PIK3R3: variants seen among roughly 807,000 people sequenced by gnomAD.
The protein encoded by PIK3R3 is phosphoinositide-3-kinase regulatory subunit 3.
In PIK3R3, 64 loss-of-function variants were observed where a neutral mutation model predicts 62.9. The ratio of observed to expected loss-of-function variants is 1.02; its 90% CI spans 0.83 to 1.25. The LOEUF (loss-of-function observed/expected upper bound fraction) is 1.25. Ranked by LOEUF, PIK3R3 falls within the 50% of genes most tolerant of loss-of-function variation. The probability of loss-of-function intolerance (pLI) is 0.00; values close to 1 mark genes in which losing one functional copy is unlikely to be tolerated. For synonymous variants in PIK3R3, 165 were observed against 189.0 expected, an observed-to-expected ratio of 0.87 and a Z score of 1.04; for missense variants, 614 against 561.6, an observed-to-expected ratio of 1.09 and a Z score of -0.94.
rs183413112 is a variant in PIK3R3 at position 46,057,681 on chromosome 1, T to C, written c.765-1710A>G. ...AGCATTTTGCCCCTGCCCTAGAGAT[T>C]TGTGGAACTTTGAACTTGAGGGAGA... On this transcript the variant is annotated intron_variant, in intron 6 of 9. Coordinates refer to ENST00000262741, the MANE Select transcript of PIK3R3 (RefSeq NM_003629.4). Among the ~76,000 whole-genome samples the C allele has an allele frequency of 6.8e-3, 1,041 of 152,274 alleles. 8 individuals are homozygous for C. The highest frequency in any genetic ancestry group is 0.011 in the Non-Finnish European group (721 of 68,030).
the PIK3R3 span, among the ~76,000 whole-genome samples, chr1:46,148,871 AACC>A: frequency 6.6e-5 from 10 of 152,234 alleles, no homozygotes; most frequent in East Asian, 1.7e-3. Flanking sequence ...TAGGCATTGA[AACC>A]AGATCAACTC....
chr1:46,070,790 T>G (rs1649411559), intron 3 of PIK3R3, among the ~76,000 whole-genome samples: 1 of 152,156 alleles, frequency 6.6e-6, no homozygotes, highest in Non-Finnish European at 1.5e-5. Context: ...TTAATAATAA[T>G]GTACATGGAC....
At chr1:46,083,415 C>T (rs1650785445) in intron 1 of PIK3R3, among the ~76,000 whole-genome samples, 1 of 152,044 alleles carries the variant, frequency 6.6e-6, no homozygotes, top group African/African-American at 2.4e-5. Context: ...AAATTAAAAA[C>T]TTCTGTACTT....
chr1:46,089,909 G>A (rs1006325890), intron 1 of PIK3R3, among the ~76,000 whole-genome samples: 12 of 151,576 alleles, frequency 7.9e-5, no homozygotes, highest in African/African-American at 2.9e-4. Flanking sequence ...TCCTTAGAAG[G>A]AATAAATAAC....
intron 1 of PIK3R3, among the ~76,000 whole-genome samples, chr1:46,110,475 GT>G (rs1202581614): frequency 6.6e-6 from 1 of 151,642 alleles, no homozygotes; most frequent in African/African-American, 2.4e-5. Flanking sequence ...AATTATGCAT[GT>G]TTTTTTCCAT....
chr1:46,154,971 C>A, the PIK3R3 span, among the ~76,000 whole-genome samples: 463 of 152,302 alleles, frequency 3.0e-3, 1 homozygote, highest in African/African-American at 0.011. Context: ...GGATGTATCA[C>A]AATCTGAAAT....
rs561175194 is a variant in PIK3R3, at chr1:46,070,638, C to T, written c.315-3547G>A. Among the ~76,000 whole-genome samples the T allele has an allele frequency of 3.9e-5, 6 of 152,298 alleles. No homozygotes were observed. In the East Asian group the frequency reaches 1.2e-3, roughly 29 times the overall value. ...TGAAACCAGTCCATGTGGTCACGTC[C>T]CCTTCTCCACATTCAGCAGCTCAAG... On this transcript the variant is annotated intron_variant, in intron 3 of 9. Coordinates refer to ENST00000262741, the MANE Select transcript of PIK3R3 (RefSeq NM_003629.4).
Position 46,046,814 on chromosome 1 carries a change from A to G in PIK3R3, c.942-189T>C, listed in dbSNP as rs1571343855. ...TTTCAACTACTATCAAGATGAACTG[A>G]TCTTTTCCAGAAAAAGGCAGAAACA... On this transcript the variant is annotated intron_variant, in intron 7 of 9. Coordinates refer to ENST00000262741, the MANE Select transcript of PIK3R3 (RefSeq NM_003629.4). 4.5e-5 allele frequency: 25 copies of G among 560,376 alleles called. No individual in the cohort carries two copies. The South Asian group carries it at 6.3e-4, about 14-fold the overall frequency. The allele number at this position is 560,376 out of a possible 1,614,324, so 34.7% of individuals were successfully genotyped here. A position where few individuals can be genotyped will look rare whatever the true frequency, so the allele number is the denominator to read the frequency against.
At chr1:46,109,392 T>C (rs1653524701) in intron 1 of PIK3R3, among the ~76,000 whole-genome samples, 1 of 152,176 alleles carries the variant, frequency 6.6e-6, no homozygotes, top group Non-Finnish European at 1.5e-5. Flanking sequence ...GTATCATTAT[T>C]TCACTTAATC....
intron 3 of PIK3R3, among the ~76,000 whole-genome samples, chr1:46,071,712 A>ATATATATATATATATAT (rs1553148026): frequency 8.1e-5 from 2 of 24,654 alleles, no homozygotes; most frequent in African/African-American, 3.1e-4. Context: ...AAAAAAAAAA[A>ATATATATATATATATAT]ATATATATAT....
chr1:46,165,102 C>T, the PIK3R3 span, among the ~76,000 whole-genome samples: 3 of 152,116 alleles, frequency 2.0e-5, no homozygotes, highest in South Asian at 2.1e-4. Flanking sequence ...CCCTTTGTTT[C>T]CCCCAGACCA....
chr1:46,140,715 G>A, the PIK3R3 span, among the ~76,000 whole-genome samples: 1 of 152,142 alleles, frequency 6.6e-6, no homozygotes, highest in Non-Finnish European at 1.5e-5. Context: ...AACTAAGAAA[G>A]AAACATGGAG....
At chr1:46,145,403 A>G in the PIK3R3 span, among the ~76,000 whole-genome samples, 1 of 151,988 alleles carries the variant, frequency 6.6e-6, no homozygotes, top group African/African-American at 2.4e-5. Context: ...ATTTTGACTC[A>G]TGATTCTGTT....
At chr1:46,113,921 T>A (rs1262349846) in intron 1 of PIK3R3, among the ~76,000 whole-genome samples, 1 of 152,202 alleles carries the variant, frequency 6.6e-6, no homozygotes, top group African/African-American at 2.4e-5. Flanking sequence ...GGTAGTACAG[T>A]ATCTATTAAA....
chr1:46,078,952 T>C (rs1650325518), intron 2 of PIK3R3, among the ~76,000 whole-genome samples: 1 of 152,170 alleles, frequency 6.6e-6, no homozygotes, highest in African/African-American at 2.4e-5. Flanking sequence ...AGAATGGTGG[T>C]TGCCATGAGC....
At chr1:46,145,766 T>G in the PIK3R3 span, among the ~76,000 whole-genome samples, 1 of 152,182 alleles carries the variant, frequency 6.6e-6, no homozygotes, top group Non-Finnish European at 1.5e-5. Flanking sequence ...GCCTTACAAA[T>G]AGCTGTTCCT....
At chr1:46,072,479 G>T (rs1649628813) in intron 3 of PIK3R3, among the ~76,000 whole-genome samples, 1 of 152,174 alleles carries the variant, frequency 6.6e-6, no homozygotes, top group Non-Finnish European at 1.5e-5. Context: ...CCTTGTGATA[G>T]ATACATGAAA....
chr1:46,056,972 T>G (rs558661154), intron 6 of PIK3R3: 1 of 152,350 alleles, frequency 6.6e-6, no homozygotes, highest in Non-Finnish European at 1.5e-5. Flanking sequence ...GTGCCTTCAT[T>G]TCCTCATCTG....
At chr1:46,166,526 C>T in the PIK3R3 span, among the ~76,000 whole-genome samples, 1 of 152,134 alleles carries the variant, frequency 6.6e-6, no homozygotes, top group South Asian at 2.1e-4. Flanking sequence ...CCAGGTCATA[C>T]AAGCTTTTTA....
Sources: gnomAD v4.1 joint callset for allele counts (sites outside exome capture counted in the v4.1 genomes callset) on GRCh38, gnomAD v4.1.1 for gene constraint, MANE v1.5 for transcripts, NCBI Gene and HGNC (gene_info 2026-07-23, HGNC 2026-07-21) for gene names.